Variants in AKR1A1 observed in about 807,000 individuals in gnomAD.
AKR1A1 encodes aldo-keto reductase family 1 member A1, also known as HEL-S-165mP.
Under a neutral mutation model 39.2 loss-of-function variants are expected in AKR1A1, and 26 were observed. The ratio of observed to expected loss-of-function variants is 0.66; its 90% confidence interval spans 0.49 to 0.92. AKR1A1 has a LOEUF of 0.92. Ranked by LOEUF, AKR1A1 falls within the 40% of genes least tolerant of loss-of-function variation. The pLI, the probability that AKR1A1 is intolerant of heterozygous loss-of-function variation, is 0.00. For missense variants in AKR1A1, 378 were observed against 406.5 expected (o/e 0.93, Z 0.60); for synonymous variants, 141 against 155.5 (o/e 0.91, Z 0.69).
At chr1:45,558,642 CCCT>C (rs1313091872) in intron 1 of AKR1A1, among the ~76,000 whole-genome samples, 3 of 152,078 alleles carry the variant, frequency 2.0e-5, no homozygotes, top group Non-Finnish European at 4.4e-5. Flanking sequence ...TCGTGATCTG[CCCT>C]CCTCGGCCTC....
chr1:45,567,282 A>C, intron 4 of AKR1A1: 1 of 428,622 alleles, frequency 2.3e-6, no homozygotes, highest in African/African-American at 2.0e-5. Flanking sequence ...CCCTTTATTC[A>C]TTTAGAAAAG....
rs761616251 is a variant in AKR1A1, at chr1:45,569,124, C to T, written c.826-19C>T. 6.8e-5 allele frequency: 110 copies of T among 1,612,252 alleles called. No individual in the cohort carries two copies. The highest frequency in any genetic ancestry group is 8.5e-7 in the Non-Finnish European group (1 of 1,178,394). ...TGCTCACAAAGCTGGCTTTCTTGAA[C>T]CCCACTCTCCATCCTCAGGTGTTTG... On this transcript the variant is annotated intron_variant, in intron 7 of 8. Coordinates refer to ENST00000351829, the MANE Select transcript of AKR1A1 (RefSeq NM_153326.3).
chr1:45,562,957 C>T (rs1644296854), intron 2 of AKR1A1, among the ~76,000 whole-genome samples: 3 of 151,852 alleles, frequency 2.0e-5, no homozygotes, highest in Admixed American at 2.0e-4. Context: ...CCCGTCTCTA[C>T]AAAAAATTAA....
At position 45,566,938 on chromosome 1, in the gene AKR1A1, G is replaced by A. The variant is rs751355483; in HGVS notation, c.274G>A (p.Glu92Lys). The A allele has an allele frequency of 1.1e-5, 17 of 1,614,026 alleles. No homozygotes were observed. Among genetic ancestry groups the A allele is most frequent in the Admixed American group, 3.3e-5 (2 of 60,000 alleles). ...CACCAAGCACCACCCCGAGGATGTG[G>A]AGCCTGCCCTCCGGAAGACTCTGGC... ...WNTKHHPEDV[E>K]PALRKTLADL... The change falls in exon 4 of 9, where the codon GAG becomes AAG. Residue 92 changes from glutamate (E) to lysine (K), a missense_variant. Transcript: ENST00000351829.
intron 1 of AKR1A1, among the ~76,000 whole-genome samples, chr1:45,553,202 T>C (rs1162385477): frequency 1.3e-5 from 2 of 149,480 alleles, no homozygotes; most frequent in Non-Finnish European, 3.0e-5. Context: ...GGCGGGCAGA[T>C]CACGAGGTCA....
intron 2 of AKR1A1, among the ~76,000 whole-genome samples, chr1:45,562,986 G>A (rs564533315): frequency 6.6e-6 from 1 of 152,220 alleles, no homozygotes; most frequent in South Asian, 2.1e-4. Flanking sequence ...GAATGCGCCT[G>A]TGGTCCCAGC....
chr1:45,567,258 G>C (rs913982099), intron 4 of AKR1A1: 2 of 519,708 alleles, frequency 3.8e-6, no homozygotes, highest in Non-Finnish European at 6.7e-6. Flanking sequence ...GTATGCACCT[G>C]TAACCCTCCT....
chr1:45,569,828 T>A, intron 8 of AKR1A1, 63 bp from the exon 9 acceptor site: 1 of 1,449,286 alleles, frequency 6.9e-7, no homozygotes, highest in Non-Finnish European at 9.7e-7. Flanking sequence ...TTGGGGAAGA[T>A]GCCTGGAGTC....
chr1:45,566,608 C>T lies in AKR1A1; in HGVS notation c.124C>T (p.Arg42Cys), dbSNP rs549941921. The T allele has an allele frequency of 2.6e-5, 42 of 1,614,246 alleles. 1 individual carries two copies. The highest frequency in any genetic ancestry group is 1.1e-4 in the East Asian group (5 of 44,890). The change falls in exon 3 of 9, where the codon CGC becomes TGC. Residue 42 changes from arginine (R) to cysteine (C), a missense_variant. Arg to Cys is a radical substitution (Grantham distance 180). Coordinates refer to ENST00000351829, the MANE Select transcript of AKR1A1 (RefSeq NM_153326.3). Reference protein sequence around the residue: ...AVKYALSVGYRHIDCAAIYGN... With the variant: ...AVKYALSVGYCHIDCAAIYGN... ...TAAGTATGCCCTTAGCGTAGGCTAC[C>T]GCCACATTGATTGTGCTGCTATCTA...
In AKR1A1 at chr1:45,568,573, G is replaced by T. The variant is rs747865943; in HGVS notation, c.641G>T (p.Gly214Val). ...GLEVTAYSPL[G>V]SSDRAWRDPD... ...GAGGTAACTGCTTATAGCCCTTTGG[G>T]CTCCTCTGATCGTGCATGGCGTGAT... The change falls in exon 6 of 9, where the codon GGC (glycine) becomes GTC (valine). Residue 214 changes from glycine to valine, a missense_variant. Transcript: ENST00000351829. The T allele has an allele frequency of 3.1e-6, 5 of 1,613,826 alleles. No homozygotes were observed. The highest frequency in any genetic ancestry group is 4.2e-6 in the Non-Finnish European group (5 of 1,179,966).
intron 1 of AKR1A1, among the ~76,000 whole-genome samples, chr1:45,553,718 G>A (rs1027105924): frequency 6.6e-6 from 1 of 152,160 alleles, no homozygotes; most frequent in African/African-American, 2.4e-5. Flanking sequence ...GAGAGGCCGG[G>A]TGTGGTGGCT....
chr1:45,552,163 C>T (rs962647518), intron 1 of AKR1A1, among the ~76,000 whole-genome samples: 3 of 151,170 alleles, frequency 2.0e-5, no homozygotes, highest in East Asian at 1.9e-4. Flanking sequence ...AAGTAGCCAT[C>T]CATTTATTTA....
Position 45,568,143 on chromosome 1 carries a change from T to C in AKR1A1, c.518T>C (p.Leu173Pro). ...NFNSRQIDDILSVASVRPAVL... is the reference protein window; with the variant it reads ...NFNSRQIDDIPSVASVRPAVL... ...AACAGTCGGCAGATTGATGACATAC[T>C]CAGTGTGGCCTCCGTGCGTCCAGCT... The change falls in exon 5 of 9, where the codon CTC (leucine) becomes CCC (proline). Residue 173 changes from leucine (L) to proline (P), a missense_variant. By Grantham distance (98) the Leu-to-Pro change is moderately conservative (BLOSUM62 -3). Transcript: ENST00000351829. 1.2e-6 allele frequency: 2 copies of C among 1,613,940 alleles called. No individual in the cohort carries two copies. The highest frequency in any genetic ancestry group is 1.7e-6 in the Non-Finnish European group (2 of 1,179,968).
chr1:45,560,374 G>T (rs2148296168), intron 1 of AKR1A1, among the ~76,000 whole-genome samples: 1 of 152,282 alleles, frequency 6.6e-6, no homozygotes, highest in East Asian at 1.9e-4. Context: ...GCAACTCAGG[G>T]TGCTGAAGTG....
In AKR1A1 at chr1:45,568,137, A is replaced by G. The variant is rs1469838373; in HGVS notation, c.512A>G (p.Asp171Gly). 1.2e-6 allele frequency: 2 copies of G among 1,613,908 alleles called. No homozygotes were observed. Among genetic ancestry groups the G allele is most frequent in the African/African-American group, 2.7e-5 (2 of 74,914 alleles). The change falls in exon 5 of 9, where the codon GAC becomes GGC. Residue 171 changes from aspartate to glycine, a missense_variant. By Grantham distance (94) the Asp-to-Gly change is moderately conservative (BLOSUM62 -1). Coordinates refer to ENST00000351829, the MANE Select transcript of AKR1A1 (RefSeq NM_153326.3). ...LSNFNSRQID[D>G]ILSVASVRPA... Reference sequence around the variant, plus strand: ...AACTTCAACAGTCGGCAGATTGATGACATACTCAGTGTGGCCTCCGTGCGT... The same window carrying G: ...AACTTCAACAGTCGGCAGATTGATGGCATACTCAGTGTGGCCTCCGTGCGT...
chr1:45,564,805 TTTTATTTA>T (rs372756811), intron 2 of AKR1A1, among the ~76,000 whole-genome samples: 1 of 151,446 alleles, frequency 6.6e-6, no homozygotes, highest in Non-Finnish European at 1.5e-5. Context: ...ATTTTTAAAT[TTTTATTTA>T]TTTATTTATT....
chr1:45,562,869 C>T (rs562301366), intron 2 of AKR1A1, among the ~76,000 whole-genome samples: 1 of 152,154 alleles, frequency 6.6e-6, no homozygotes, highest in Admixed American at 6.5e-5. Context: ...CCTGTAATCC[C>T]AGCACTTTGG....
chr1:45,568,585 G>C lies in AKR1A1; in HGVS notation c.653G>C (p.Arg218Pro). The C allele has an allele frequency of 1.2e-6, 2 of 1,614,014 alleles. No homozygotes were observed. The highest frequency in any genetic ancestry group is 1.7e-6 in the Non-Finnish European group (2 of 1,179,990). ...TAYSPLGSSD[R>P]AWRDPDEPVL... ...TATAGCCCTTTGGGCTCCTCTGATCGTGCATGGCGTGATCCTGATGAGCCT... is the reference window on the plus strand; with the variant it reads ...TATAGCCCTTTGGGCTCCTCTGATCCTGCATGGCGTGATCCTGATGAGCCT... The change falls in exon 6 of 9, where the codon CGT (arginine) becomes CCT (proline). Residue 218 changes from arginine to proline, a missense_variant. Arg to Pro is a moderately radical substitution (Grantham distance 103). Transcript: ENST00000351829.
At chr1:45,564,309 A>G (rs1317388059) in intron 2 of AKR1A1, among the ~76,000 whole-genome samples, 3 of 152,118 alleles carry the variant, frequency 2.0e-5, no homozygotes, top group African/African-American at 7.2e-5. Context: ...CAGGGGTCAG[A>G]TGTTAGGGGA....
Sources: gnomAD v4.1 joint callset for allele counts (sites outside exome capture counted in the v4.1 genomes callset) on GRCh38, gnomAD v4.1.1 for gene constraint, MANE v1.5 for transcripts, NCBI Gene and HGNC (gene_info 2026-07-23, HGNC 2026-07-21) for gene names.